SLC2A5: variants seen among roughly 807,000 people sequenced by gnomAD.
SLC2A5 encodes the protein solute carrier family 2, facilitated glucose transporter member 5.
SLC2A5 carries 56 observed loss-of-function variants against 50.3 expected under a neutral mutation model. That is an observed-to-expected ratio of 1.11 (90% CI 0.90 to 1.39). SLC2A5 has a LOEUF of 1.39. Ranked by LOEUF, SLC2A5 falls within the 40% of genes most tolerant of loss-of-function variation. The pLI, the probability that SLC2A5 is intolerant of heterozygous loss-of-function variation, is 0.00. For synonymous variants in SLC2A5, 269 were observed against 281.9 expected, an observed-to-expected ratio of 0.95 and a Z score of 0.46; for missense variants, 566 against 650.1, an observed-to-expected ratio of 0.87 and a Z score of 1.41.
intron 4 of SLC2A5, among the ~76,000 whole-genome samples, chr1:9,042,593 CTG>C (rs534980545): frequency 8.5e-4 from 112 of 131,292 alleles, no homozygotes; most frequent in Non-Finnish European, 1.1e-3. Context: ...TATATGGCCT[CTG>C]TGTGTGTGTG....
At chr1:9,039,010 G>A (rs993768886) in intron 8 of SLC2A5, 81 bp from the exon 9 acceptor site, 41 of 1,526,402 alleles carry the variant, frequency 2.7e-5, no homozygotes, top group Non-Finnish European at 3.0e-5. Context: ...CAGCTGTGAG[G>A]AGAGCTGGGC....
In SLC2A5 at chr1:9,069,570, CCT is replaced by C; in HGVS notation, c.-36_-35del. 1 of 1,613,592 alleles carries C rather than the reference CCT, an allele frequency of 6.2e-7. No individual in the cohort carries two copies. Among genetic ancestry groups the C allele is most frequent in the Admixed American group, 1.7e-5 (1 of 60,028 alleles). ...TGGAAGGGCAGAGTGCCGCTCACCT[CCT>C]TTTAGCCAAAGTAACGCGTGCACTG... On this transcript the variant is annotated 5_prime_UTR_variant, in exon 1 of 12. The change abolishes the stop of an existing upstream ORF in the 5' untranslated region. Transcript: ENST00000377424.
chr1:9,072,697 C>T (rs1020262714), upstream of SLC2A5, among the ~76,000 whole-genome samples: 1 of 151,932 alleles, frequency 6.6e-6, no homozygotes, highest in Non-Finnish European at 1.5e-5. Context: ...AGCCTGTAAA[C>T]CCAGCACTTT....
Position 9,058,208 on chromosome 1 carries a change from A to G in SLC2A5, c.76T>C (p.Phe26Leu), listed in dbSNP as rs1299615870. 18 of 1,613,958 alleles carry G rather than the reference A, an allele frequency of 1.1e-5. No individual in the cohort carries two copies. The highest frequency in any genetic ancestry group is 1.6e-4 in the Middle Eastern group (1 of 6,082). The change falls in exon 2 of 12, where the codon TTT (phenylalanine) becomes CTT (leucine). Residue 26 changes from phenylalanine (F) to leucine (L), a missense_variant. Transcript: ENST00000377424. ...TACCCATACTGGAAGGATGACCCAA[A>G]GGCAGCTATCAGGGTTGCCAGGGCA... ...VLALATLIAAFGSSFQYGYNV... is the reference protein window; with the variant it reads ...VLALATLIAALGSSFQYGYNV...
At position 9,047,924 on chromosome 1, in the gene SLC2A5, G is replaced by A. The variant is rs558105407; in HGVS notation, c.294-190C>T. Among the ~76,000 whole-genome samples the A allele has an allele frequency of 5.1e-4, 77 of 152,296 alleles. 1 individual carries two copies. Among genetic ancestry groups the A allele is most frequent in the African/African-American group, 1.7e-3 (71 of 41,568 alleles). On this transcript the variant is annotated intron_variant, in intron 3 of 11. Coordinates refer to ENST00000377424, the MANE Select transcript of SLC2A5 (RefSeq NM_003039.3). ...CCTGGTGTGGGAATACGCTCAGTGT[G>A]GGGAGCAAATGGAAATGACCACAGT...
At chr1:9,063,548 T>C (rs1470177080) in intron 1 of SLC2A5, among the ~76,000 whole-genome samples, 1 of 150,116 alleles carries the variant, frequency 6.7e-6, no homozygotes, top group Non-Finnish European at 1.5e-5. Context: ...AATTTTTGTA[T>C]TTTTAGTAGA....
chr1:9,065,831 C>T (rs1022845663), intron 1 of SLC2A5, among the ~76,000 whole-genome samples: 3 of 151,978 alleles, frequency 2.0e-5, no homozygotes, highest in African/African-American at 7.3e-5. Flanking sequence ...GACCTCGTCT[C>T]TACGAAAAAA....
intron 1 of SLC2A5, among the ~76,000 whole-genome samples, chr1:9,066,458 C>T (rs1642085803): frequency 6.6e-6 from 1 of 152,164 alleles, no homozygotes; most frequent in African/African-American, 2.4e-5. Flanking sequence ...TGGTCCCAAA[C>T]TTGTGGGCTC....
At position 9,080,620 on chromosome 1, in the gene SLC2A5, G is replaced by A. The variant is rs114097593; in HGVS notation, c.-59+4394C>T. Among the ~76,000 whole-genome samples, 542 of 152,232 alleles carry A rather than the reference G, an allele frequency of 3.6e-3. 3 individuals are homozygous for A. Among genetic ancestry groups the A allele is most frequent in the African/African-American group, 0.012 (514 of 41,534 alleles). On this transcript the variant is annotated intron_variant, in intron 2 of 5. Coordinates refer to the SLC2A5 transcript ENST00000464985. Reference sequence around the variant, plus strand: ...GCATCTTTTCACATTCGTGTTGGCCGTCTGTACATCTTTGGAGAAATGTCT... The same window carrying A: ...GCATCTTTTCACATTCGTGTTGGCCATCTGTACATCTTTGGAGAAATGTCT...
Position 9,053,535 on chromosome 1 carries a change from A to T in SLC2A5, c.293+3913T>A, listed in dbSNP as rs865983593. On this transcript the variant is annotated intron_variant, in intron 3 of 11. Coordinates refer to ENST00000377424, the MANE Select transcript of SLC2A5 (RefSeq NM_003039.3). ...TATTTTATCTATATATTTATATATT[A>T]ATATATATTATATATTTATATATAT... 1.6e-4 allele frequency among the ~76,000 whole-genome samples: 14 copies of T among 85,486 alleles called. 1 individual carries two copies. The Middle Eastern group carries it at 0.014, about 88-fold the overall frequency. 56.1% of individuals were successfully genotyped at this position (85,486 alleles called of 152,430 possible).
intron 1 of SLC2A5, among the ~76,000 whole-genome samples, chr1:9,060,088 C>G (rs549459935): frequency 2.1e-5 from 3 of 143,844 alleles, no homozygotes; most frequent in Admixed American, 1.4e-4. Flanking sequence ...ACACACACTA[C>G]ACACACAACA....
At position 9,081,284 on chromosome 1, in the gene SLC2A5, A is replaced by C. The variant is rs562219866; in HGVS notation, c.-59+3730T>G. Reference sequence around the variant, plus strand: ...CAGAAAAAAAAAAAAAAAAAACCCCAAAAAAAAAAAACACGACCAAAACAA... The same window carrying C: ...CAGAAAAAAAAAAAAAAAAAACCCCCAAAAAAAAAAACACGACCAAAACAA... On this transcript the variant is annotated intron_variant, in intron 2 of 5. Transcript: ENST00000464985. 3.1e-3 allele frequency among the ~76,000 whole-genome samples: 361 copies of C among 117,722 alleles called. 5 individuals are homozygous for C. Among genetic ancestry groups the C allele is most frequent in the Middle Eastern group, 7.8e-3 (2 of 256 alleles). 77.2% of individuals were successfully genotyped at this position (117,722 alleles called of 152,430 possible).
At chr1:9,069,807 C>T (rs996104001), upstream of SLC2A5, 40 of 474,180 alleles carry the variant, frequency 8.4e-5, no homozygotes, top group African/African-American at 2.0e-4. Flanking sequence ...GAACAGTCTA[C>T]GGTATTTCCC....
rs1433077045 is a variant in SLC2A5, at chr1:9,038,437, C to T, written c.1168G>A (p.Gly390Arg). 5.6e-6 allele frequency: 9 copies of T among 1,612,672 alleles called. No homozygotes were observed. Among genetic ancestry groups the T allele is most frequent in the East Asian group, 4.5e-5 (2 of 44,876 alleles). The change falls in exon 10 of 12, where the codon GGG becomes AGG. Residue 390 changes from glycine to arginine, a missense_variant. By Grantham distance (125) the Gly-to-Arg change is moderately radical. Coordinates refer to ENST00000377424, the MANE Select transcript of SLC2A5 (RefSeq NM_003039.3). ...VISYVIGHAL[G>R]PSPIPALLIT... ...GCCAGCTTTGGGTACGTACTGGGCC[C>T]GAGGGCATGTCCTATGACGTAGGAG...
chr1:9,037,794 G>C lies in SLC2A5; in HGVS notation c.1303-5C>G. The stretch of plus-strand genomic sequence containing the variant: ...GCTGTACGGGCCGAGGCCCTCCTGC[G>C]GGAAGAGGGGCAGGTGACACGTGTG... On this transcript the variant is annotated splice_region_variant and splice_polypyrimidine_tract_variant and intron_variant, in intron 11 of 11. Coordinates refer to ENST00000377424, the MANE Select transcript of SLC2A5 (RefSeq NM_003039.3). The C allele has an allele frequency of 6.2e-7, 1 of 1,614,078 alleles. No homozygotes were observed. The highest frequency in any genetic ancestry group is 1.1e-5 in the South Asian group (1 of 91,078).
At chr1:9,056,893 G>A (rs1310802053) in intron 3 of SLC2A5, among the ~76,000 whole-genome samples, 1 of 152,252 alleles carries the variant, frequency 6.6e-6, no homozygotes, top group African/African-American at 2.4e-5. Flanking sequence ...GGGTCTGCCC[G>A]AGGGCCTGTA....
At chr1:9,070,680 GT>G (rs1642195352), upstream of SLC2A5, among the ~76,000 whole-genome samples, 1 of 152,100 alleles carries the variant, frequency 6.6e-6, no homozygotes, top group Non-Finnish European at 1.5e-5. Context: ...TTGCTGTGGC[GT>G]AAATCCAGTT....
At chr1:9,047,789 A>G in intron 3 of SLC2A5, 55 bp from the exon 4 acceptor site, 5 of 1,590,884 alleles carry the variant, frequency 3.1e-6, no homozygotes, top group Admixed American at 3.4e-5. Context: ...CTTTCATTCA[A>G]GAAATGTTTC....
At chr1:9,044,674 C>A (rs1164470156) in intron 4 of SLC2A5, among the ~76,000 whole-genome samples, 1 of 152,142 alleles carries the variant, frequency 6.6e-6, no homozygotes, top group Non-Finnish European at 1.5e-5. Context: ...CATGCCTCAG[C>A]CTCCCTAGTA....
Sources: gnomAD v4.1 joint callset for allele counts (sites outside exome capture counted in the v4.1 genomes callset) on GRCh38, gnomAD v4.1.1 for gene constraint, MANE v1.5 for transcripts, NCBI Gene and HGNC (gene_info 2026-07-23, HGNC 2026-07-21) for gene names.